The following DAB1 variants were observed in gnomAD, a reference collection of about 807,000 sequenced individuals.
The protein encoded by DAB1 is DAB adaptor protein 1.
DAB1 carries 15 observed loss-of-function variants against 64.6 expected under a neutral mutation model. That is an observed-to-expected ratio of 0.23 (90% CI 0.16 to 0.36). The LOEUF (loss-of-function observed/expected upper bound fraction) is 0.36, where lower values mean the gene tolerates loss of function less well. Ranked by LOEUF, DAB1 falls within the 10% of genes least tolerant of loss-of-function variation. DAB1 has a pLI of 1.00. For synonymous variants in DAB1, 235 were observed against 251.9 expected, an observed-to-expected ratio of 0.93 and a Z score of 0.64; for missense variants, 596 against 706.7, an observed-to-expected ratio of 0.84 and a Z score of 1.78.
intron 6 of DAB1, among the ~76,000 whole-genome samples, chr1:57,670,441 C>G (rs1203642452): frequency 6.6e-6 from 1 of 152,194 alleles, no homozygotes; most frequent in Non-Finnish European, 1.5e-5. Context: ...TGTGCTCTAC[C>G]TTGTTCAAGC....
intron 4 of DAB1, among the ~76,000 whole-genome samples, chr1:58,306,886 T>C (rs1024604822): frequency 6.6e-6 from 1 of 152,220 alleles, no homozygotes; most frequent in Non-Finnish European, 1.5e-5. Context: ...AAATAAACTA[T>C]GTAACTCAAG....
chr1:57,207,203 A>C (rs971349617), intron 2 of DAB1, among the ~76,000 whole-genome samples: 3 of 151,344 alleles, frequency 2.0e-5, no homozygotes, highest in Non-Finnish European at 4.4e-5. Context: ...TCCTGACCTC[A>C]AGTGATCCAC....
intron 2 of DAB1, among the ~76,000 whole-genome samples, chr1:58,519,952 T>C (rs1055162687): frequency 4.0e-5 from 6 of 149,792 alleles, no homozygotes; most frequent in South Asian, 2.1e-4. Flanking sequence ...AACTTCAAGA[T>C]AGGTAGTGGA....
At chr1:57,410,520 A>C (rs1237447792) in intron 1 of DAB1, among the ~76,000 whole-genome samples, 1 of 152,236 alleles carries the variant, frequency 6.6e-6, no homozygotes, top group African/African-American at 2.4e-5. Context: ...AGGCAGAGGC[A>C]GGTGTCAAAC....
intron 1 of DAB1, among the ~76,000 whole-genome samples, chr1:57,405,206 C>G (rs1025653307): frequency 1.3e-5 from 2 of 152,188 alleles, no homozygotes; most frequent in Non-Finnish European, 2.9e-5. Flanking sequence ...CAGCAAACAG[C>G]TAAGAACACC....
chr1:57,209,724 A>G (rs1293988509), intron 2 of DAB1, among the ~76,000 whole-genome samples: 9 of 152,162 alleles, frequency 5.9e-5, no homozygotes, highest in African/African-American at 1.9e-4. Context: ...AGAGAAACCA[A>G]TGTGTGTAAT....
At chr1:57,278,587 T>G (rs596784) in intron 2 of DAB1, among the ~76,000 whole-genome samples, 89,220 of 151,994 alleles carry the variant, frequency 0.59, 26,985 homozygotes, top group East Asian at 0.85. Context: ...GGAGAGGGAT[T>G]CTGAGGAGGA....
intron 5 of DAB1, among the ~76,000 whole-genome samples, chr1:57,963,004 C>T (rs981433525): frequency 2.0e-5 from 3 of 152,168 alleles, no homozygotes; most frequent in Non-Finnish European, 4.4e-5. Flanking sequence ...CATTCCCCCT[C>T]CTTTTGCCCA....
chr1:57,895,437 C>T (rs954305450), intron 5 of DAB1, among the ~76,000 whole-genome samples: 1 of 152,154 alleles, frequency 6.6e-6, no homozygotes, highest in Non-Finnish European at 1.5e-5. Context: ...CACATTATTG[C>T]CTCTAGATAT....
At chr1:57,802,623 T>C (rs1651183266) in intron 6 of DAB1, among the ~76,000 whole-genome samples, 1 of 152,278 alleles carries the variant, frequency 6.6e-6, no homozygotes, top group African/African-American at 2.4e-5. Flanking sequence ...GGGGTCAGAC[T>C]TCCCCCTTGA....
intron 8 of DAB1, among the ~76,000 whole-genome samples, chr1:57,068,136 T>C (rs1177732033): frequency 6.7e-6 from 1 of 148,210 alleles, no homozygotes; most frequent in Non-Finnish European, 1.5e-5. Context: ...CCTGTAATAC[T>C]GCAAAGCTTC....
Position 57,909,673 on chromosome 1 carries a change from A to C in DAB1, n.388-25511T>G, listed in dbSNP as rs373732042. Among the ~76,000 whole-genome samples, 100 of 152,326 alleles carry C rather than the reference A, an allele frequency of 6.6e-4. 1 individual carries two copies. The South Asian group carries it at 0.02, about 31-fold the overall frequency. ...AGCAAAAAATACTGCAAAGAAAAAA[A>C]ATATTGCAGGTTTAGTATCTTAATT... On this transcript the variant is annotated intron_variant and non_coding_transcript_variant, in intron 5 of 20. Coordinates refer to the DAB1 transcript ENST00000485760.
At chr1:57,845,957 C>T (rs1225361455) in intron 1 of DAB1, among the ~76,000 whole-genome samples, 1 of 152,094 alleles carries the variant, frequency 6.6e-6, no homozygotes, top group African/African-American at 2.4e-5. Flanking sequence ...TTGCCCTAGG[C>T]CCATGGGCCT....
intron 6 of DAB1, among the ~76,000 whole-genome samples, chr1:57,812,434 G>C (rs1651674015): frequency 6.6e-6 from 1 of 152,022 alleles, no homozygotes; most frequent in Admixed American, 6.6e-5. Flanking sequence ...CTAAAATGCA[G>C]AATTATATGC....
chr1:57,791,457 T>C (rs765248227), intron 6 of DAB1, among the ~76,000 whole-genome samples: 4 of 152,188 alleles, frequency 2.6e-5, no homozygotes, highest in Non-Finnish European at 5.9e-5. Flanking sequence ...CTATTTCACA[T>C]ATGGAGTGAA....
chr1:57,536,562 A>G (rs1026950430), intron 7 of DAB1, among the ~76,000 whole-genome samples: 3 of 152,184 alleles, frequency 2.0e-5, no homozygotes, highest in Admixed American at 2.0e-4. Context: ...CAGTATCTCA[A>G]TAAACCAATA....
chr1:57,035,604 C>G (rs17451521), intron 9 of DAB1, among the ~76,000 whole-genome samples: 1 of 152,046 alleles, frequency 6.6e-6, no homozygotes, highest in Non-Finnish European at 1.5e-5. Context: ...GTCTTGGTCA[C>G]GTCAGGCCAT....
At chr1:58,168,604 G>A (rs541314113) in intron 4 of DAB1, among the ~76,000 whole-genome samples, 1 of 151,868 alleles carries the variant, frequency 6.6e-6, no homozygotes, top group Non-Finnish European at 1.5e-5. Flanking sequence ...CATAATTTTT[G>A]CCCAAAGCCC....
intron 5 of DAB1, among the ~76,000 whole-genome samples, chr1:57,904,598 C>T (rs1363403905): frequency 6.6e-6 from 1 of 152,040 alleles, no homozygotes; most frequent in Admixed American, 6.6e-5. Context: ...TCAGAGGGGG[C>T]CTTTTGGAGC....
Sources: gnomAD v4.1 joint callset for allele counts (sites outside exome capture counted in the v4.1 genomes callset) on GRCh38, gnomAD v4.1.1 for gene constraint, MANE v1.5 for transcripts, NCBI Gene and HGNC (gene_info 2026-07-23, HGNC 2026-07-21) for gene names.